RERE: variants seen among roughly 807,000 people sequenced by gnomAD.
RERE encodes the protein arginine-glutamic acid dipeptide repeats, also known as arginine-glutamic acid dipeptide repeats protein.
Under a neutral mutation model 146.1 loss-of-function variants are expected in RERE, and 40 were observed. The observed-to-expected ratio is 0.27, with a 90% CI of 0.21 to 0.36. The LOEUF (loss-of-function observed/expected upper bound fraction) is 0.36. Among genes scored for constraint, RERE ranks in the 10% least tolerant of loss-of-function variants. The pLI is 1.00. For missense variants in RERE, 1,933 were observed against 2,138.7 expected, an observed-to-expected ratio of 0.90 and a Z score of 1.90; for synonymous variants, 1,003 against 866.0, an observed-to-expected ratio of 1.16 and a Z score of -2.78.
At chr1:8,665,495 G>T (rs944538346) in intron 1 of RERE, among the ~76,000 whole-genome samples, 3 of 152,168 alleles carry the variant, frequency 2.0e-5, no homozygotes, top group African/African-American at 7.2e-5. Context: ...TTGTGTTGGG[G>T]AAAGAAAATA....
At chr1:8,464,307 C>T (rs1644566857) in intron 11 of RERE, among the ~76,000 whole-genome samples, 1 of 152,138 alleles carries the variant, frequency 6.6e-6, no homozygotes, top group Admixed American at 6.5e-5. Context: ...CCCTTGCCCA[C>T]CCTCACCCAC....
chr1:8,734,053 G>C (rs1380931377), intron 1 of RERE, among the ~76,000 whole-genome samples: 1 of 152,224 alleles, frequency 6.6e-6, no homozygotes, highest in African/African-American at 2.4e-5. Context: ...GTTGCAGTCA[G>C]CCGAAATCGT....
At chr1:8,391,919 C>A (rs975422890) in intron 12 of RERE, among the ~76,000 whole-genome samples, 1 of 151,906 alleles carries the variant, frequency 6.6e-6, no homozygotes, top group Admixed American at 6.6e-5. Context: ...ACCAGCTACT[C>A]GGGAGGATGA....
intron 3 of RERE, among the ~76,000 whole-genome samples, chr1:8,622,533 T>C (rs1170191414): frequency 3.8e-5 from 4 of 106,516 alleles, no homozygotes; most frequent in Admixed American, 9.2e-5. Flanking sequence ...AGGAAAGATA[T>C]AATAAGTAGC....
At chr1:8,575,557 ATATATT>A (rs1243451595) in intron 4 of RERE, among the ~76,000 whole-genome samples, 76 of 57,066 alleles carry the variant, frequency 1.3e-3, no homozygotes, top group African/African-American at 5.2e-3. Flanking sequence ...ATATATATAT[ATATATT>A]TTTTTTTTTT....
intron 11 of RERE, among the ~76,000 whole-genome samples, chr1:8,451,809 C>CT (rs1220064919): frequency 6.6e-6 from 1 of 152,168 alleles, no homozygotes; most frequent in Non-Finnish European, 1.5e-5. Flanking sequence ...CCCGATGACT[C>CT]TAACGCACAG....
intron 8 of RERE, among the ~76,000 whole-genome samples, chr1:8,501,225 CCCGGCCGGCCGCCCCGT>C (rs1645146101): frequency 1.6e-5 from 2 of 122,948 alleles, no homozygotes; most frequent in African/African-American, 6.7e-5. Context: ...CAGCCCCCCG[CCCGGCCGGCCGCCCCGT>C]CCGGGAGGTG....
chr1:8,705,398 G>C (rs562326368), intron 1 of RERE, among the ~76,000 whole-genome samples: 205 of 152,164 alleles, frequency 1.3e-3, no homozygotes, highest in African/African-American at 4.5e-3. Context: ...CTTCCCACCA[G>C]AGCAGGAATA....
intron 4 of RERE, among the ~76,000 whole-genome samples, chr1:8,610,011 G>A (rs908025710): frequency 3.3e-5 from 5 of 152,008 alleles, no homozygotes; most frequent in South Asian, 2.1e-4. Context: ...TCAAGTGACC[G>A]AACCGCCCCA....
intron 4 of RERE, among the ~76,000 whole-genome samples, chr1:8,591,428 T>TA (rs70982795): frequency 0.23 from 33,398 of 142,464 alleles, 5,133 homozygotes; most frequent in East Asian, 0.76. Context: ...CTTTTTGCTT[T>TA]AAAAAAAAAA....
intron 2 of RERE, among the ~76,000 whole-genome samples, chr1:8,642,495 G>GA (rs1647193540): frequency 6.6e-6 from 1 of 152,172 alleles, no homozygotes. Context: ...TAACTTATAA[G>GA]AAGAGTTAAG....
At chr1:8,528,124 T>C (rs1645593073) in intron 7 of RERE, among the ~76,000 whole-genome samples, 1 of 152,212 alleles carries the variant, frequency 6.6e-6, no homozygotes, top group South Asian at 2.1e-4. Context: ...TCATATAGTA[T>C]GGCTGGCCAA....
Position 8,573,269 on chromosome 1 carries a change from C to T in RERE, c.523-15746G>A, listed in dbSNP as rs112444423. 9.6e-3 allele frequency among the ~76,000 whole-genome samples: 1,462 copies of T among 152,174 alleles called. 10 individuals carry two copies. Among genetic ancestry groups the T allele is most frequent in the Non-Finnish European group, 0.012 (825 of 68,014 alleles). On this transcript the variant is annotated intron_variant, in intron 4 of 22. Coordinates refer to ENST00000400908, the MANE Select transcript of RERE (RefSeq NM_001042681.2). Reference sequence around the variant, plus strand: ...GCTGCCTGTGGAACCTGCCTACAGCCCAGAGGTAACCACCACCTTGAATTC... The same window carrying T: ...GCTGCCTGTGGAACCTGCCTACAGCTCAGAGGTAACCACCACCTTGAATTC...
At chr1:8,556,224 T>TA (rs1646004805) in intron 6 of RERE, among the ~76,000 whole-genome samples, 1 of 145,836 alleles carries the variant, frequency 6.9e-6, no homozygotes, top group African/African-American at 2.6e-5. Flanking sequence ...GAAGATACAA[T>TA]AATATAGAAA....
At position 8,526,697 on chromosome 1, in the gene RERE, C is replaced by A. The variant is rs370616839; in HGVS notation, c.830+14517G>T. ...AACATTTCCTAAAGTAATACTAGCC[C>A]AATCAAGTCTAGCTTGAAGAATCTA... On this transcript the variant is annotated intron_variant, in intron 7 of 22. Transcript: ENST00000400908. 3.9e-5 allele frequency among the ~76,000 whole-genome samples: 6 copies of A among 152,268 alleles called. No individual in the cohort carries two copies. In the East Asian group the frequency reaches 9.6e-4, roughly 24 times the overall value.
At chr1:8,498,712 A>T (rs1471082095) in intron 8 of RERE, among the ~76,000 whole-genome samples, 4 of 105,864 alleles carry the variant, frequency 3.8e-5, no homozygotes, top group African/African-American at 1.9e-4. Flanking sequence ...AAAAAAAATA[A>T]AAAAAAAAAA....
intron 12 of RERE, among the ~76,000 whole-genome samples, chr1:8,389,963 G>T (rs1642828164): frequency 6.6e-6 from 1 of 152,134 alleles, no homozygotes; most frequent in Non-Finnish European, 1.5e-5. Flanking sequence ...GACCTGTCAA[G>T]ACACAAAGCC....
intron 12 of RERE, 58 bp downstream of exon 12, chr1:8,422,669 A>T (rs1039763742): frequency 1.6e-6 from 2 of 1,233,480 alleles, no homozygotes; most frequent in Non-Finnish European, 2.4e-6. Flanking sequence ...TCAAATGTGG[A>T]GAGGCAGCAG....
At chr1:8,517,468 C>T (rs1645435298) in intron 7 of RERE, among the ~76,000 whole-genome samples, 1 of 152,098 alleles carries the variant, frequency 6.6e-6, no homozygotes, top group Non-Finnish European at 1.5e-5. Context: ...AATCATATTA[C>T]AAAAACCGAA....
Sources: allele counts gnomAD v4.1 joint callset (sites outside exome capture counted in the v4.1 genomes callset), GRCh38; gene constraint gnomAD v4.1.1; transcripts MANE v1.5; gene names NCBI Gene and HGNC (gene_info 2026-07-23, HGNC 2026-07-21).